LRRTM4: variants seen among roughly 807,000 people sequenced by gnomAD.
LRRTM4 encodes the protein leucine rich repeat transmembrane neuronal 4, also known as leucine-rich repeat transmembrane neuronal protein 4.
A neutral mutation model predicts 47.6 loss-of-function variants in LRRTM4; 25 were observed. The observed-to-expected ratio is 0.53, with a 90% CI of 0.38 to 0.73. LRRTM4 has a LOEUF of 0.73. Ranked by LOEUF, LRRTM4 falls within the 30% of genes least tolerant of loss-of-function variation. LRRTM4 has a pLI of 0.00. For synonymous variants in LRRTM4, 311 were observed against 269.5 expected (o/e 1.15, Z -1.51); for missense variants, 638 against 713.4 (o/e 0.89, Z 1.20).
At chr2:77,140,965 G>A (rs1234445038) in intron 3 of LRRTM4, among the ~76,000 whole-genome samples, 1 of 152,124 alleles carries the variant, frequency 6.6e-6, no homozygotes, top group African/African-American at 2.4e-5. Context: ...TAAAAAGTCA[G>A]GAAACAACAG....
chr2:77,434,231 A>G (rs1052952884), intron 3 of LRRTM4, among the ~76,000 whole-genome samples: 9 of 148,138 alleles, frequency 6.1e-5, no homozygotes, highest in African/African-American at 2.2e-4. Flanking sequence ...TTTTTTTATC[A>G]GATCCCAGAT....
chr2:76,978,946 G>T (rs1014380404), intron 3 of LRRTM4, among the ~76,000 whole-genome samples: 1 of 151,864 alleles, frequency 6.6e-6, no homozygotes, highest in Admixed American at 6.6e-5. Context: ...AATATATGAC[G>T]CCAGGAGACA....
chr2:77,473,877 G>A (rs991222779), intron 3 of LRRTM4, among the ~76,000 whole-genome samples: 1 of 152,126 alleles, frequency 6.6e-6, no homozygotes, highest in Non-Finnish European at 1.5e-5. Flanking sequence ...CTCTGCAACA[G>A]TCAAGCCAAG....
At chr2:77,104,376 A>G (rs536579669) in intron 3 of LRRTM4, among the ~76,000 whole-genome samples, 1 of 152,252 alleles carries the variant, frequency 6.6e-6, no homozygotes, top group South Asian at 2.1e-4. Context: ...TTTAAAATGT[A>G]AGTTAGCTCA....
At chr2:77,521,951 G>A (rs907179971) in intron 1 of LRRTM4, 133 bp from the exon 2 acceptor site, 1 of 584,280 alleles carries the variant, frequency 1.7e-6, no homozygotes, top group Non-Finnish European at 3.1e-6. Flanking sequence ...TGGGGGGATA[G>A]GGATGGGGGA....
At position 76,777,076 on chromosome 2, in the gene LRRTM4, C is replaced by T. The variant is rs1354055659; in HGVS notation, c.1552-28160G>A. On this transcript the variant is annotated intron_variant, in intron 3 of 3. Coordinates refer to ENST00000409884, the MANE Select transcript of LRRTM4 (RefSeq NM_001134745.3). Reference sequence around the variant, plus strand: ...CAAAGATCAGATAGTTGTAGATACGCGGCATTATTTCTGAGGGCTCTGTTC... The same window carrying T: ...CAAAGATCAGATAGTTGTAGATACGTGGCATTATTTCTGAGGGCTCTGTTC... Among the ~76,000 whole-genome samples, 201 of 139,660 alleles carry T rather than the reference C, an allele frequency of 1.4e-3. 2 individuals are homozygous for T. The highest frequency in any genetic ancestry group is 5.9e-4 in the African/African-American group (22 of 37,328). 91.6% of individuals were successfully genotyped at this position (139,660 alleles called of 152,430 possible).
At chr2:77,246,234 A>C (rs1241883004) in intron 3 of LRRTM4, among the ~76,000 whole-genome samples, 2 of 152,174 alleles carry the variant, frequency 1.3e-5, no homozygotes, top group African/African-American at 4.8e-5. Context: ...AGATAGCTCC[A>C]TCTGAATGTG....
At chr2:77,227,865 C>A (rs1427853810) in intron 3 of LRRTM4, among the ~76,000 whole-genome samples, 1 of 151,994 alleles carries the variant, frequency 6.6e-6, no homozygotes, top group Non-Finnish European at 1.5e-5. Flanking sequence ...TACTTTCCAG[C>A]CTTTTTCTTA....
chr2:76,787,791 G>C (rs1339016860), intron 3 of LRRTM4, among the ~76,000 whole-genome samples: 6 of 151,944 alleles, frequency 3.9e-5, no homozygotes, highest in Admixed American at 3.9e-4. Flanking sequence ...AGGTTCACTT[G>C]ATTTTCTTTT....
chr2:77,320,007 T>C (rs1677741375), intron 3 of LRRTM4, among the ~76,000 whole-genome samples: 1 of 152,212 alleles, frequency 6.6e-6, no homozygotes, highest in Admixed American at 6.5e-5. Context: ...AAATGTAACA[T>C]GCACCTCTAA....
intron 3 of LRRTM4, among the ~76,000 whole-genome samples, chr2:77,063,046 C>T (rs1381295356): frequency 1.3e-5 from 2 of 151,354 alleles, no homozygotes; most frequent in South Asian, 4.2e-4. Flanking sequence ...CCTCCACCTC[C>T]AGGGTTCAAG....
At chr2:76,963,114 A>G (rs1343345713) in intron 3 of LRRTM4, among the ~76,000 whole-genome samples, 1 of 151,026 alleles carries the variant, frequency 6.6e-6, no homozygotes, top group Non-Finnish European at 1.5e-5. Flanking sequence ...TAATTGATCA[A>G]TAAATGAAAA....
intron 3 of LRRTM4, among the ~76,000 whole-genome samples, chr2:77,149,167 AAAAAC>A (rs1180425561): frequency 6.6e-6 from 1 of 152,306 alleles, no homozygotes; most frequent in South Asian, 2.1e-4. Context: ...CTACAAGTTA[AAAAAC>A]AAAACAAAAC....
chr2:77,365,747 A>T (rs1191174387), intron 3 of LRRTM4, among the ~76,000 whole-genome samples: 2 of 151,352 alleles, frequency 1.3e-5, no homozygotes, highest in Non-Finnish European at 3.0e-5. Flanking sequence ...TAGGATAAAC[A>T]TTGGGTATGT....
intron 3 of LRRTM4, among the ~76,000 whole-genome samples, chr2:77,470,359 G>A (rs1677142117): frequency 6.6e-6 from 1 of 152,138 alleles, no homozygotes; most frequent in Non-Finnish European, 1.5e-5. Context: ...TGCCAAATAT[G>A]TTGAAAATTA....
intron 3 of LRRTM4, among the ~76,000 whole-genome samples, chr2:77,246,337 G>C (rs780727299): frequency 6.6e-6 from 1 of 152,098 alleles, no homozygotes; most frequent in Non-Finnish European, 1.5e-5. Context: ...TACTCAGAAG[G>C]CATGGGTCCA....
intron 3 of LRRTM4, among the ~76,000 whole-genome samples, chr2:77,419,295 T>C (rs1465568522): frequency 1.3e-5 from 2 of 152,206 alleles, no homozygotes; most frequent in Non-Finnish European, 2.9e-5. Context: ...GCTGTGTCAA[T>C]AGAATGTTCC....
chr2:77,063,305 T>C (rs1679852040), intron 3 of LRRTM4, among the ~76,000 whole-genome samples: 1 of 152,168 alleles, frequency 6.6e-6, no homozygotes, highest in Non-Finnish European at 1.5e-5. Flanking sequence ...CATCATTGTG[T>C]CCAGGTTTTA....
intron 3 of LRRTM4, among the ~76,000 whole-genome samples, chr2:76,874,067 G>A (rs896695622): frequency 6.6e-6 from 1 of 150,962 alleles, no homozygotes; most frequent in Non-Finnish European, 1.5e-5. Context: ...GTATGCTGGT[G>A]TACTTTATAG....
Sources: allele counts gnomAD v4.1 joint callset (sites outside exome capture counted in the v4.1 genomes callset), GRCh38; gene constraint gnomAD v4.1.1; transcripts MANE v1.5; gene names NCBI Gene and HGNC (gene_info 2026-07-23, HGNC 2026-07-21).